Variants in SYNE2 observed in about 807,000 individuals in gnomAD.
SYNE2 encodes spectrin repeat containing nuclear envelope protein 2.
In SYNE2, 431 loss-of-function variants were observed where a neutral mutation model predicts 856.3. The ratio of observed to expected loss-of-function variants is 0.50; its 90% confidence interval spans 0.47 to 0.55. SYNE2 has a LOEUF of 0.55. Among genes scored for constraint, SYNE2 ranks in the 20% least tolerant of loss-of-function variants. The pLI is 0.00. For synonymous variants in SYNE2, 2,923 were observed against 2,872.3 expected, an observed-to-expected ratio of 1.02 and a Z score of -0.56; for missense variants, 8,129 against 8,023.2, an observed-to-expected ratio of 1.01 and a Z score of -0.50.
In SYNE2 at chr14:64,216,569, C is replaced by T. The variant is rs1042595149; in HGVS notation, c.19542+182C>T. On this transcript the variant is annotated intron_variant, in intron 108 of 115. Transcript: ENST00000555002. ...TACTTCATTAGAACCCCGGCAAAACCGATTAGACTTAGAGATAGGTTCTGG... is the reference window on the plus strand; with the variant it reads ...TACTTCATTAGAACCCCGGCAAAACTGATTAGACTTAGAGATAGGTTCTGG... The T allele has an allele frequency of 9.0e-5, 66 of 735,230 alleles. No individual in the cohort carries two copies. In the Middle Eastern group the frequency reaches 1.5e-3, roughly 17 times the overall value. The allele number at this position is 735,230 out of a possible 1,614,324, so 45.5% of individuals were successfully genotyped here.
At chr14:63,818,048 A>C (rs1256829942) in intron 1 of SYNE2, among the ~76,000 whole-genome samples, 3 of 143,526 alleles carry the variant, frequency 2.1e-5, no homozygotes, top group Non-Finnish European at 4.6e-5. Context: ...AAAAAAAAAC[A>C]AATAAATAAA....
At chr14:64,008,429 G>A (rs2096817026) in intron 31 of SYNE2, among the ~76,000 whole-genome samples, 1 of 152,198 alleles carries the variant, frequency 6.6e-6, no homozygotes, top group Non-Finnish European at 1.5e-5. Flanking sequence ...GATGTTGCCT[G>A]TCAATAACGG....
rs1462104340 is a variant in SYNE2 at position 63,814,809 on chromosome 14, CAT to C, written c.-304-37683_-304-37682del. ...ATATCCATATATATCCATATATATC[CAT>C]ATATATATCCATATATATCCATATA... On this transcript the variant is annotated intron_variant, in intron 1 of 23. Coordinates refer to the SYNE2 transcript ENST00000674003. 1.5e-3 allele frequency among the ~76,000 whole-genome samples: 96 copies of C among 62,862 alleles called. 1 individual carries two copies. Among genetic ancestry groups the C allele is most frequent in the African/African-American group, 5.1e-3 (85 of 16,512 alleles). 41.2% of individuals were successfully genotyped at this position (62,862 alleles called of 152,430 possible).
chr14:63,862,451 G>C (rs531436553), intron 1 of SYNE2, among the ~76,000 whole-genome samples: 1 of 152,208 alleles, frequency 6.6e-6, no homozygotes, highest in African/African-American at 2.4e-5. Context: ...GCCCAGGCTG[G>C]TCTCAAACTT....
At chr14:64,195,321 A>T (rs1163961957) in intron 99 of SYNE2, among the ~76,000 whole-genome samples, 1 of 152,210 alleles carries the variant, frequency 6.6e-6, no homozygotes, top group East Asian at 1.9e-4. Context: ...ATTATGGAAG[A>T]TGTCATGTTA....
At chr14:64,042,193 C>G (rs1468504935) in intron 45 of SYNE2, among the ~76,000 whole-genome samples, 1 of 152,120 alleles carries the variant, frequency 6.6e-6, no homozygotes, top group Non-Finnish European at 1.5e-5. Flanking sequence ...ACCTCCAAAC[C>G]TACTGCTGAG....
chr14:64,068,816 C>G (rs897029350), intron 51 of SYNE2, among the ~76,000 whole-genome samples: 3 of 132,076 alleles, frequency 2.3e-5, no homozygotes, highest in African/African-American at 8.6e-5. Flanking sequence ...GAGCCGAGAT[C>G]ATGCCACTGC....
intron 65 of SYNE2, 24 bp downstream of exon 65, chr14:64,107,631 A>C: frequency 6.4e-7 from 1 of 1,574,690 alleles, no homozygotes; most frequent in Non-Finnish European, 8.7e-7. Context: ...GGTAATAAGT[A>C]AACTGCTCAG....
intron 1 of SYNE2, among the ~76,000 whole-genome samples, chr14:63,844,604 A>AT (rs1015700020): frequency 3.3e-5 from 5 of 151,740 alleles, no homozygotes; most frequent in African/African-American, 1.2e-4. Flanking sequence ...TTGACTTGGA[A>AT]TTTTTTTTTA....
chr14:63,884,840 C>G (rs1159221219), intron 1 of SYNE2, among the ~76,000 whole-genome samples: 1 of 152,044 alleles, frequency 6.6e-6, no homozygotes, highest in African/African-American at 2.4e-5. Flanking sequence ...TGGGGTTTCA[C>G]CGGGTTAGCC....
chr14:63,870,152 C>T (rs1896503109), intron 1 of SYNE2, among the ~76,000 whole-genome samples: 2 of 152,106 alleles, frequency 1.3e-5, no homozygotes, highest in Admixed American at 6.5e-5. Flanking sequence ...AACCACAAAT[C>T]ATCTATCCAG....
intron 63 of SYNE2, among the ~76,000 whole-genome samples, chr14:64,100,898 T>C (rs998560062): frequency 6.6e-6 from 1 of 151,688 alleles, no homozygotes; most frequent in African/African-American, 2.4e-5. Context: ...AGGGAGATGA[T>C]GTGGTATGTG....
chr14:64,016,134 T>C (rs1042752510), intron 32 of SYNE2, among the ~76,000 whole-genome samples: 2 of 152,038 alleles, frequency 1.3e-5, no homozygotes, highest in African/African-American at 4.8e-5. Flanking sequence ...GTAGGGACTT[T>C]TTTTTTTAAT....
At chr14:64,221,899 C>G (rs1248464876) in intron 112 of SYNE2, among the ~76,000 whole-genome samples, 195 bp downstream of exon 112, 2 of 152,074 alleles carry the variant, frequency 1.3e-5, no homozygotes, top group East Asian at 1.9e-4. Flanking sequence ...AGCCAAATGA[C>G]TTGCAGGAAT....
chr14:64,051,512 A>G, intron 47 of SYNE2, 45 bp from the exon 48 acceptor site: 1 of 1,516,048 alleles, frequency 6.6e-7, no homozygotes, highest in Non-Finnish European at 9.0e-7. Flanking sequence ...TTAATGTAGA[A>G]TAAGCATTAA....
intron 1 of SYNE2, among the ~76,000 whole-genome samples, chr14:63,814,569 C>A (rs1167737042): frequency 7.4e-6 from 1 of 135,926 alleles, no homozygotes; most frequent in Non-Finnish European, 1.5e-5. Flanking sequence ...AATATATATC[C>A]TTATATGTAT....
chr14:63,844,506 T>G (rs900150435), intron 1 of SYNE2, among the ~76,000 whole-genome samples: 2 of 152,248 alleles, frequency 1.3e-5, no homozygotes, highest in African/African-American at 4.8e-5. Flanking sequence ...TGTGTGAATG[T>G]AAGTATTTAA....
chr14:64,157,420 C>A (rs1432742192), intron 85 of SYNE2, among the ~76,000 whole-genome samples: 1 of 152,090 alleles, frequency 6.6e-6, no homozygotes, highest in Non-Finnish European at 1.5e-5. Flanking sequence ...ATTTACAGTA[C>A]TTCATTTATT....
intron 1 of SYNE2, among the ~76,000 whole-genome samples, chr14:63,857,907 TCC>T (rs1892283056): frequency 6.6e-6 from 1 of 152,188 alleles, no homozygotes; most frequent in Admixed American, 6.5e-5. Flanking sequence ...CTTATCTTAG[TCC>T]ATTTTGTGCT....
Sources: gnomAD v4.1 joint callset for allele counts (sites outside exome capture counted in the v4.1 genomes callset) on GRCh38, gnomAD v4.1.1 for gene constraint, MANE v1.5 for transcripts, NCBI Gene and HGNC (gene_info 2026-07-23, HGNC 2026-07-21) for gene names.